The following METRNL variants were observed in gnomAD, a reference collection of about 807,000 sequenced individuals.
METRNL encodes meteorin like, glial cell differentiation regulator, also known as meteorin-like protein.
In METRNL, 9 loss-of-function variants were observed where a neutral mutation model predicts 17.4. That is an observed-to-expected ratio of 0.52 (90% CI 0.31 to 0.90). METRNL has a LOEUF of 0.90. Among genes scored for constraint, METRNL ranks in the 40% least tolerant of loss-of-function variants. METRNL has a pLI of 0.05. For missense variants in METRNL, 408 were observed against 430.7 expected (o/e 0.95, Z 0.47); for synonymous variants, 215 against 199.3 (o/e 1.08, Z -0.66).
Position 83,090,693 on chromosome 17 carries a change from A to C in METRNL, c.557-2474A>C, listed in dbSNP as rs150148607. Among the ~76,000 whole-genome samples, 837 of 151,190 alleles carry C rather than the reference A, an allele frequency of 5.5e-3. 10 individuals carry two copies. The highest frequency in any genetic ancestry group is 0.019 in the African/African-American group (771 of 41,168). ...GGTCACCACGCTTCTGTCGTTGACCAGCTCTCTCTCAGCCGAGGCCACCTC... is the reference window on the plus strand; with the variant it reads ...GGTCACCACGCTTCTGTCGTTGACCCGCTCTCTCTCAGCCGAGGCCACCTC... On this transcript the variant is annotated intron_variant, in intron 2 of 3. Transcript: ENST00000320095.
At chr17:83,084,596 T>C (rs1423249732) in intron 1 of METRNL, 1 of 319,064 alleles carries the variant, frequency 3.1e-6, no homozygotes, top group Admixed American at 5.1e-5. Context: ...GATTGGTGTT[T>C]GACGCTACGG....
At position 83,085,555 on chromosome 17, in the gene METRNL, G is replaced by C. The variant is rs569279842; in HGVS notation, c.556+232G>C. Among the ~76,000 whole-genome samples, 4 of 152,258 alleles carry C rather than the reference G, an allele frequency of 2.6e-5. No individual in the cohort carries two copies. The South Asian group carries it at 8.3e-4, about 32-fold the overall frequency. On this transcript the variant is annotated intron_variant, in intron 2 of 3. Transcript: ENST00000320095. ...TCCTAGGGGGTGTGACATGGTGTAG[G>C]GGGGTGTGGGATGTCTAAACTAAAC...
At chr17:83,088,636 C>G (rs1453599723) in intron 2 of METRNL, among the ~76,000 whole-genome samples, 1 of 152,112 alleles carries the variant, frequency 6.6e-6, no homozygotes, top group African/African-American at 2.4e-5. Flanking sequence ...TGATGCTGAT[C>G]ATGAGCACGT....
At chr17:83,088,191 C>T (rs879587497) in intron 2 of METRNL, among the ~76,000 whole-genome samples, 57 of 152,328 alleles carry the variant, frequency 3.7e-4, no homozygotes, top group African/African-American at 1.2e-3. Context: ...CCTCTGCAGG[C>T]GACACGGACG....
At chr17:83,080,061 C>A in intron 1 of METRNL, 76 bp downstream of exon 1, 2 of 890,634 alleles carry the variant, frequency 2.2e-6, no homozygotes, top group South Asian at 5.1e-5. Flanking sequence ...GCCGAGCGTG[C>A]GGGGGCGCGG....
intron 1 of METRNL, chr17:83,082,205 G>A (rs893281094): frequency 1.0e-6 from 1 of 985,342 alleles, no homozygotes; most frequent in Non-Finnish European, 1.2e-6. Flanking sequence ...CGCAGGTGCG[G>A]TCACACCTGG....
At chr17:83,080,565 A>ACCCCCCC (rs1161469227) in intron 1 of METRNL, among the ~76,000 whole-genome samples, 13 of 22,002 alleles carry the variant, frequency 5.9e-4, no homozygotes, top group Admixed American at 4.4e-3. Context: ...GCGCTGGGCG[A>ACCCCCCC]CCCCCCCCCC....
In METRNL at chr17:83,094,286, A is replaced by G; in HGVS notation, c.647A>G (p.His216Arg). 1.9e-6 allele frequency: 3 copies of G among 1,585,048 alleles called. No homozygotes were observed. The highest frequency in any genetic ancestry group is 2.6e-6 in the Non-Finnish European group (3 of 1,158,620). Residue 216 changes from histidine (H) to arginine (R), a missense_variant, in exon 4 of 4, where the codon CAC becomes CGC. His to Arg is a conservative substitution (Grantham distance 29, BLOSUM62 0). Transcript: ENST00000320095. ...CGAGGCTCCATCCAGCAAGTTACCC[A>G]CGAGCCTGAGCGGCAGGACTCAGCC... ...AVRGSIQQVT[H>R]EPERQDSAIH...
At chr17:83,088,908 A>G (rs774032619) in intron 2 of METRNL, among the ~76,000 whole-genome samples, 8 of 152,130 alleles carry the variant, frequency 5.3e-5, no homozygotes, top group Admixed American at 6.5e-5. Context: ...GATTTTTCCA[A>G]GGCGTCCCAT....
chr17:83,094,164 T>C, intron 3 of METRNL, 92 bp from the exon 4 acceptor site: 1 of 1,103,510 alleles, frequency 9.1e-7, no homozygotes, highest in Non-Finnish European at 1.3e-6. Flanking sequence ...CCCGTTCCAG[T>C]GCCCATCGAT....
rs375575414 is a variant in METRNL, at chr17:83,094,461, C to T, written c.822C>T (p.His274=). 2 of 1,591,576 alleles carry T rather than the reference C, an allele frequency of 1.3e-6. No individual in the cohort carries two copies. Among genetic ancestry groups the T allele is most frequent in the African/African-American group, 2.7e-5 (2 of 74,588 alleles). Residue 274 remains histidine (H), a synonymous_variant, in exon 4 of 4, where the codon CAC becomes CAT. Coordinates refer to ENST00000320095, the MANE Select transcript of METRNL (RefSeq NM_001004431.3). ...PGHGDFLFTG[H]MHFGEARLGC... The stretch of plus-strand genomic sequence containing the variant: ...ATGGCGACTTCCTCTTCACTGGCCA[C>T]ATGCACTTCGGGGAGGCGCGGCTCG...
At chr17:83,087,260 A>G (rs1262359056) in intron 2 of METRNL, among the ~76,000 whole-genome samples, 1 of 152,176 alleles carries the variant, frequency 6.6e-6, no homozygotes. Context: ...GCATCTGCTT[A>G]AACCGAGCCT....
intron 1 of METRNL, among the ~76,000 whole-genome samples, chr17:83,082,641 GAT>G (rs2143613362): frequency 6.6e-6 from 1 of 152,360 alleles, no homozygotes; most frequent in African/African-American, 2.4e-5. Context: ...GACCATTAAA[GAT>G]AGGTCACATT....
chr17:83,088,705 GCCTCCC>G (rs2038081254), intron 2 of METRNL, among the ~76,000 whole-genome samples: 1 of 151,946 alleles, frequency 6.6e-6, no homozygotes, highest in Non-Finnish European at 1.5e-5. Context: ...GGGCCTCAAC[GCCTCCC>G]CCCTTTAAAA....
At chr17:83,092,890 C>A (rs933352955) in intron 2 of METRNL, among the ~76,000 whole-genome samples, 1 of 152,128 alleles carries the variant, frequency 6.6e-6, no homozygotes, top group Non-Finnish European at 1.5e-5. Flanking sequence ...CCCATCATGG[C>A]CGAGGTGCAG....
In METRNL at chr17:83,095,023, T is replaced by G. The variant is rs953297882; in HGVS notation, c.*448T>G. ...TGACGGAAGTTTTGGAGCCAAATAA[T>G]ACGTTTTTTATTTTCATTTTATTTT... On this transcript the variant is annotated 3_prime_UTR_variant, in exon 4 of 4. Coordinates refer to ENST00000320095, the MANE Select transcript of METRNL (RefSeq NM_001004431.3). The G allele has an allele frequency of 6.0e-6, 1 of 165,872 alleles. No homozygotes were observed. Among genetic ancestry groups the G allele is most frequent in the Non-Finnish European group, 1.3e-5 (1 of 77,746 alleles). The allele number at this position is 165,872 out of a possible 1,614,324, so 10.3% of individuals were successfully genotyped here.
chr17:83,087,264 C>T (rs539052253), intron 2 of METRNL, among the ~76,000 whole-genome samples: 178 of 152,256 alleles, frequency 1.2e-3, no homozygotes, highest in African/African-American at 4.1e-3. Flanking sequence ...CTGCTTAAAC[C>T]GAGCCTGAGG....
intron 2 of METRNL, among the ~76,000 whole-genome samples, chr17:83,087,764 C>T (rs1290469106): frequency 6.6e-6 from 1 of 150,816 alleles, no homozygotes; most frequent in East Asian, 2.0e-4. Flanking sequence ...AGCCGGGCAG[C>T]GCCAGCCCCG....
chr17:83,087,164 G>A (rs547209251), intron 2 of METRNL, among the ~76,000 whole-genome samples: 2 of 152,308 alleles, frequency 1.3e-5, no homozygotes, highest in Non-Finnish European at 2.9e-5. Context: ...CCCAGTACAC[G>A]TCAGGCTGGC....
Sources: allele counts gnomAD v4.1 joint callset (sites outside exome capture counted in the v4.1 genomes callset), GRCh38; gene constraint gnomAD v4.1.1; transcripts MANE v1.5; gene names NCBI Gene and HGNC (gene_info 2026-07-23, HGNC 2026-07-21).